ANK2: variants seen among roughly 807,000 people sequenced by gnomAD.
The protein encoded by ANK2 is ankyrin 2, also known as ankyrin-2.
Under a neutral mutation model 360.5 loss-of-function variants are expected in ANK2, and 83 were observed. The observed-to-expected ratio is 0.23, with a 90% CI of 0.19 to 0.28. The LOEUF (loss-of-function observed/expected upper bound fraction) is 0.28, where lower values mean the gene tolerates loss of function less well. Ranked by LOEUF, ANK2 falls within the 10% of genes least tolerant of loss-of-function variation. The pLI is 1.00. For synonymous variants in ANK2, 1,740 were observed against 1,759.5 expected (o/e 0.99, Z 0.28); for missense variants, 4,201 against 4,795.7 (o/e 0.88, Z 3.66).
At chr4:112,949,637 C>G (rs570035296) in intron 2 of ANK2, among the ~76,000 whole-genome samples, 26 of 152,240 alleles carry the variant, frequency 1.7e-4, no homozygotes, top group Non-Finnish European at 2.4e-4. Context: ...AATAATTGAT[C>G]TCTATTTGGG....
At position 113,367,636 on chromosome 4, in the gene ANK2, A is replaced by G. The variant is rs752658028; in HGVS notation, c.11103A>G (p.Lys3701=). 1 of 1,613,936 alleles carries G rather than the reference A, an allele frequency of 6.2e-7. No homozygotes were observed. Among genetic ancestry groups the G allele is most frequent in the South Asian group, 1.1e-5 (1 of 91,064 alleles). Residue 3701 remains lysine, a synonymous_variant, in exon 42 of 46, where the codon AAA becomes AAG. Coordinates refer to ENST00000357077, the MANE Select transcript of ANK2 (RefSeq NM_001148.6). ...AGAAAGAGGAGCAAGCTGTTTCTAA[A>G]GAAAGTGAGACCTGCGATCACCCTC... The part of the protein sequence containing the change: ...HKQKEEQAVS[K]ESETCDHPPI...
chr4:113,277,435 A>G (rs946284091), intron 15 of ANK2, among the ~76,000 whole-genome samples: 2 of 152,224 alleles, frequency 1.3e-5, no homozygotes, highest in Non-Finnish European at 2.9e-5. Context: ...CAGGTGTTAT[A>G]AAAAGGATTG....
At chr4:113,003,544 A>G (rs902553657) in intron 2 of ANK2, among the ~76,000 whole-genome samples, 12 of 152,238 alleles carry the variant, frequency 7.9e-5, no homozygotes, top group Admixed American at 5.2e-4. Flanking sequence ...AAAGAGACAA[A>G]TCAATGCAAC....
In ANK2 at chr4:113,250,758, C is replaced by CA. The variant is rs1554340044; in HGVS notation, c.990+896_990+897insA. 3.8e-5 allele frequency among the ~76,000 whole-genome samples: 5 copies of CA among 132,362 alleles called. 2 individuals are homozygous for CA. The highest frequency in any genetic ancestry group is 8.0e-5 in the African/African-American group (3 of 37,558). The allele number at this position is 132,362 out of a possible 152,430, so 86.8% of individuals were successfully genotyped here. On this transcript the variant is annotated intron_variant, in intron 10 of 45. Coordinates refer to ENST00000357077, the MANE Select transcript of ANK2 (RefSeq NM_001148.6). ...TTCCATTCCACCTCATACCACCGCCCCCCCCCCCGACAGAGTTGGTATCAA... is the reference window on the plus strand; with the variant it reads ...TTCCATTCCACCTCATACCACCGCCCACCCCCCCCGACAGAGTTGGTATCAA...
intron 1 of ANK2, among the ~76,000 whole-genome samples, chr4:113,085,297 A>G (rs1385405124): frequency 6.6e-6 from 1 of 152,044 alleles, no homozygotes; most frequent in African/African-American, 2.4e-5. Context: ...ATATTAAGAT[A>G]TTAAGACTTT....
chr4:113,036,056 T>TCTCATACGTC (rs1274769193), intron 2 of ANK2, among the ~76,000 whole-genome samples: 3 of 151,934 alleles, frequency 2.0e-5, no homozygotes, highest in Non-Finnish European at 4.4e-5. Context: ...AGAAAATTAG[T>TCTCATACGTC]TTCCGTAGTC....
In ANK2 at chr4:113,191,285, C is replaced by T. The variant is rs553691885; in HGVS notation, c.187-5083C>T. On this transcript the variant is annotated intron_variant, in intron 2 of 45. Coordinates refer to ENST00000357077, the MANE Select transcript of ANK2 (RefSeq NM_001148.6). ...TTGAACCTGGGAGGCGGAGGTTGCA[C>T]GATGAGTTGAGATTGCACCACTGCA... Among the ~76,000 whole-genome samples, 225 of 152,022 alleles carry T rather than the reference C, an allele frequency of 1.5e-3. 1 individual carries two copies. Among genetic ancestry groups the T allele is most frequent in the Non-Finnish European group, 2.5e-3 (167 of 67,956 alleles).
intron 14 of ANK2, among the ~76,000 whole-genome samples, chr4:113,267,766 G>GT (rs1234559740): frequency 4.6e-5 from 7 of 152,302 alleles, no homozygotes; most frequent in East Asian, 1.9e-4. Context: ...GTTTAAAGTA[G>GT]TTTTTTCTAA....
intron 21 of ANK2, among the ~76,000 whole-genome samples, chr4:113,292,775 C>T (rs1222718445): frequency 6.6e-6 from 1 of 152,244 alleles, no homozygotes; most frequent in East Asian, 1.9e-4. Flanking sequence ...GCTGCTGGAA[C>T]GTGCTCTGCT....
At chr4:113,053,201 C>T (rs901268515) in intron 1 of ANK2, among the ~76,000 whole-genome samples, 1 of 152,180 alleles carries the variant, frequency 6.6e-6, no homozygotes, top group Non-Finnish European at 1.5e-5. Flanking sequence ...ACCAGGCCCC[C>T]TCCTGTGGGT....
chr4:112,852,864 C>G (rs1286205026), intron 1 of ANK2, among the ~76,000 whole-genome samples: 2 of 152,178 alleles, frequency 1.3e-5, no homozygotes, highest in Non-Finnish European at 2.9e-5. Flanking sequence ...GGAGAAAAGA[C>G]AGATCGTCGT....
At chr4:112,762,519 T>C in the ANK2 span, among the ~76,000 whole-genome samples, 6 of 152,200 alleles carry the variant, frequency 3.9e-5, no homozygotes, top group African/African-American at 1.2e-4. Context: ...TTGTTGTTGT[T>C]GTTGTTATTT....
At chr4:112,953,441 A>C (rs552829201) in intron 2 of ANK2, among the ~76,000 whole-genome samples, 1 of 152,370 alleles carries the variant, frequency 6.6e-6, no homozygotes, top group South Asian at 2.1e-4. Flanking sequence ...CGAAGTAGGG[A>C]GATGTTAATG....
intron 1 of ANK2, among the ~76,000 whole-genome samples, chr4:113,153,724 G>A (rs1331594571): frequency 6.6e-6 from 1 of 152,174 alleles, no homozygotes; most frequent in Non-Finnish European, 1.5e-5. Context: ...CTTTATGTCA[G>A]CGCCTCCCAA....
chr4:112,952,473 A>T (rs1296132503), intron 2 of ANK2, among the ~76,000 whole-genome samples: 1 of 152,050 alleles, frequency 6.6e-6, no homozygotes, highest in Non-Finnish European at 1.5e-5. Flanking sequence ...AGTTGTCTTT[A>T]TTGTTCTGGG....
chr4:112,895,616 C>T (rs1003213052), intron 1 of ANK2, among the ~76,000 whole-genome samples: 3 of 152,116 alleles, frequency 2.0e-5, no homozygotes, highest in African/African-American at 7.2e-5. Context: ...AGCCCCAGAG[C>T]TTGCAGATGC....
chr4:113,170,279 A>G (rs1008102344), intron 1 of ANK2, among the ~76,000 whole-genome samples: 1 of 152,200 alleles, frequency 6.6e-6, no homozygotes, highest in Non-Finnish European at 1.5e-5. Flanking sequence ...GTTGGACTAT[A>G]TGAAGATAGC....
chr4:112,807,820 C>T, the ANK2 span, among the ~76,000 whole-genome samples: 2 of 152,200 alleles, frequency 1.3e-5, no homozygotes, highest in African/African-American at 4.8e-5. Context: ...TGGCCCTTTG[C>T]TCTTTGTCAG....
At chr4:112,995,830 TTTGC>T (rs2048325626) in intron 2 of ANK2, among the ~76,000 whole-genome samples, 1 of 152,192 alleles carries the variant, frequency 6.6e-6, no homozygotes, top group Non-Finnish European at 1.5e-5. Flanking sequence ...TGATGTATAA[TTTGC>T]TTTTATGGAA....
Sources: allele counts gnomAD v4.1 joint callset (sites outside exome capture counted in the v4.1 genomes callset), GRCh38; gene constraint gnomAD v4.1.1; transcripts MANE v1.5; gene names NCBI Gene and HGNC (gene_info 2026-07-23, HGNC 2026-07-21).